The following AKT3 variants were observed in gnomAD, a reference collection of about 807,000 sequenced individuals.
AKT3 encodes RAC-gamma serine/threonine-protein kinase.
In AKT3, 15 loss-of-function variants were observed where a neutral mutation model predicts 65.3. That is an observed-to-expected ratio of 0.23 (90% CI 0.15 to 0.35). AKT3 has a LOEUF of 0.35. AKT3 is among the 10% of genes least tolerant of loss of function. The pLI is 1.00. For synonymous variants in AKT3, 206 were observed against 183.8 expected, an observed-to-expected ratio of 1.12 and a Z score of -0.98; for missense variants, 243 against 576.5, an observed-to-expected ratio of 0.42 and a Z score of 5.92.
At chr1:243,700,226 C>G (rs184762183) in intron 2 of AKT3, among the ~76,000 whole-genome samples, 1 of 152,246 alleles carries the variant, frequency 6.6e-6, no homozygotes, top group East Asian at 1.9e-4. Flanking sequence ...CTTCTGAATG[C>G]AAAGAGGAAA....
intron 11 of AKT3, among the ~76,000 whole-genome samples, chr1:243,549,608 G>A (rs1672904615): frequency 6.6e-6 from 1 of 151,604 alleles, no homozygotes; most frequent in Non-Finnish European, 1.5e-5. Context: ...TTTTTTTTTA[G>A]TAGAGATGAA....
chr1:243,850,587 T>C (rs955444313), upstream of AKT3, among the ~76,000 whole-genome samples: 4 of 149,788 alleles, frequency 2.7e-5, no homozygotes, highest in African/African-American at 9.8e-5. Flanking sequence ...CCGCCGCCGA[T>C]CGGTTCTCGC....
intron 1 of AKT3, among the ~76,000 whole-genome samples, chr1:243,845,961 TG>T (rs1695503329): frequency 1.3e-5 from 2 of 152,166 alleles, no homozygotes. Context: ...GCCATAAAAA[TG>T]AAAGTATAGC....
chr1:243,695,778 A>G, intron 2 of AKT3, 62 bp from the exon 3 acceptor site: 1 of 1,467,620 alleles, frequency 6.8e-7, no homozygotes, highest in Non-Finnish European at 9.1e-7. Context: ...TTATGCAAAA[A>G]ATAAATTATG....
chr1:243,494,045 G>A (rs977654131), intron 13 of AKT3, among the ~76,000 whole-genome samples: 15 of 152,058 alleles, frequency 9.9e-5, no homozygotes, highest in African/African-American at 2.9e-4. Context: ...TGGGGGCCTC[G>A]CCCAGCTGAC....
chr1:243,728,282 T>G (rs911397692), intron 2 of AKT3, among the ~76,000 whole-genome samples: 23 of 152,292 alleles, frequency 1.5e-4, no homozygotes, highest in African/African-American at 5.5e-4. Context: ...CAGTATTCAC[T>G]CAACCTCAAC....
chr1:243,756,037 A>G (rs1689117843), intron 2 of AKT3, among the ~76,000 whole-genome samples: 1 of 152,238 alleles, frequency 6.6e-6, no homozygotes, highest in Non-Finnish European at 1.5e-5. Context: ...TAAGTCATAT[A>G]TTGTAGATAA....
Position 243,843,180 on chromosome 1 carries a change from C to T in AKT3, c.-10G>A. ...TGGTAACATCGCTCATGATGACTCC[C>T]CTCTGAGCCCCCAACTTGGAGAAAT... On this transcript the variant is annotated 5_prime_UTR_variant, in exon 2 of 14. Coordinates refer to ENST00000673466, the MANE Select transcript of AKT3 (RefSeq NM_005465.7). 1 of 1,612,120 alleles carries T rather than the reference C, an allele frequency of 6.2e-7. No individual in the cohort carries two copies. Among genetic ancestry groups the T allele is most frequent in the South Asian group, 1.1e-5 (1 of 90,530 alleles).
chr1:243,608,814 G>T lies in AKT3; in HGVS notation c.696+4857C>A, dbSNP rs368350684. Among the ~76,000 whole-genome samples, 410 of 126,872 alleles carry T rather than the reference G, an allele frequency of 3.2e-3. 5 individuals are homozygous for T. The highest frequency in any genetic ancestry group is 0.011 in the African/African-American group (380 of 34,778). 83.2% of individuals were successfully genotyped at this position (126,872 alleles called of 152,430 possible). On this transcript the variant is annotated intron_variant, in intron 8 of 13. Coordinates refer to ENST00000673466, the MANE Select transcript of AKT3 (RefSeq NM_005465.7). ...GTCACCCAGGCTGGAGTTCAGTGGC[G>T]TGATCTTGGCTCACTGCACCCTCCG...
At chr1:243,694,349 A>G (rs1684919741) in intron 3 of AKT3, among the ~76,000 whole-genome samples, 1 of 152,130 alleles carries the variant, frequency 6.6e-6, no homozygotes, top group African/African-American at 2.4e-5. Flanking sequence ...AAAATACAAT[A>G]TATTATTTCA....
chr1:243,489,058 T>C, intron 13 of AKT3: 2 of 1,613,434 alleles, frequency 1.2e-6, no homozygotes, highest in Non-Finnish European at 1.7e-6. Flanking sequence ...GCCCAGCAGC[T>C]GGTGCAGCTC....
chr1:243,605,383 T>C (rs1289114655), intron 8 of AKT3, among the ~76,000 whole-genome samples: 1 of 152,204 alleles, frequency 6.6e-6, no homozygotes, highest in Non-Finnish European at 1.5e-5. Flanking sequence ...AATGACATTT[T>C]ATGTAAGTTT....
At chr1:243,782,517 T>C (rs1690979455) in intron 2 of AKT3, among the ~76,000 whole-genome samples, 1 of 152,132 alleles carries the variant, frequency 6.6e-6, no homozygotes, top group African/African-American at 2.4e-5. Flanking sequence ...AGAGCCCTCA[T>C]GACCTAATCA....
chr1:243,561,382 A>G (rs1673762509), intron 10 of AKT3, among the ~76,000 whole-genome samples: 1 of 152,096 alleles, frequency 6.6e-6, no homozygotes, highest in Non-Finnish European at 1.5e-5. Flanking sequence ...AGTGGTCTTC[A>G]AATTAGGATT....
intron 6 of AKT3, among the ~76,000 whole-genome samples, chr1:243,636,552 T>C (rs1363343203): frequency 6.6e-6 from 1 of 152,078 alleles, no homozygotes; most frequent in Non-Finnish European, 1.5e-5. Flanking sequence ...ATTATACCAA[T>C]TTAAATGAAA....
Position 243,666,004 on chromosome 1 carries a change from TTTTG to T in AKT3, c.173-1125_173-1122del, listed in dbSNP as rs368933711. ...AATTCTTTACTCAGATTAGCTGTGT[TTTTG>T]TTTGTTTGTTTGTTTGAGACAGTCT... On this transcript the variant is annotated intron_variant, in intron 3 of 13. Transcript: ENST00000673466. Among the ~76,000 whole-genome samples the T allele has an allele frequency of 3.1e-3, 473 of 152,196 alleles. 5 individuals carry two copies. The highest frequency in any genetic ancestry group is 0.01 in the African/African-American group (424 of 41,526).
At chr1:243,664,372 G>T (rs1682624450) in intron 4 of AKT3, among the ~76,000 whole-genome samples, 1 of 150,758 alleles carries the variant, frequency 6.6e-6, no homozygotes, top group East Asian at 2.0e-4. Flanking sequence ...GATTTTTTGT[G>T]TGTGTGTTTT....
intron 2 of AKT3, among the ~76,000 whole-genome samples, chr1:243,815,432 A>C (rs1338120270): frequency 1.3e-5 from 2 of 152,114 alleles, no homozygotes; most frequent in Non-Finnish European, 2.9e-5. Flanking sequence ...TAAGCCCTCG[A>C]GCAAAGCCTT....
intron 4 of AKT3, among the ~76,000 whole-genome samples, chr1:243,646,650 T>C (rs1680841090): frequency 6.6e-6 from 1 of 152,146 alleles, no homozygotes; most frequent in African/African-American, 2.4e-5. Flanking sequence ...CCACCGCACT[T>C]GGCCAATCCT....
Sources: allele counts gnomAD v4.1 joint callset (sites outside exome capture counted in the v4.1 genomes callset), GRCh38; gene constraint gnomAD v4.1.1; transcripts MANE v1.5; gene names NCBI Gene and HGNC (gene_info 2026-07-23, HGNC 2026-07-21).